The following CYS1 variants were observed in gnomAD, a reference collection of about 807,000 sequenced individuals.
The protein encoded by CYS1 is cystin-1.
In CYS1, 5 loss-of-function variants were observed where a neutral mutation model predicts 9.6. The ratio of observed to expected loss-of-function variants is 0.52; its 90% CI spans 0.27 to 1.10. The LOEUF (loss-of-function observed/expected upper bound fraction) is 1.10, where lower values mean the gene tolerates loss of function less well. Ranked by LOEUF, CYS1 falls within the 50% of genes least tolerant of loss-of-function variation. CYS1 has a pLI of 0.11. For missense variants in CYS1, 221 were observed against 207.9 expected (o/e 1.06, Z -0.39); for synonymous variants, 88 against 95.7 (o/e 0.92, Z 0.47).
At position 10,065,935 on chromosome 2, in the gene CYS1, C is replaced by CT. The variant is rs1558358141; in HGVS notation, c.339dup (p.Glu114ArgfsTer11). 1 of 1,614,242 alleles carries CT rather than the reference C, an allele frequency of 6.2e-7. No homozygotes were observed. The highest frequency in any genetic ancestry group is 2.2e-5 in the East Asian group (1 of 44,884). On this transcript the variant is annotated frameshift_variant, in exon 2 of 3. Coordinates refer to ENST00000381813, the MANE Select transcript of CYS1 (RefSeq NM_001037160.3). LOFTEE classifies it low-confidence loss of function (END_TRUNC). ...ACATTGCCGCTCCCCGGGTGGCCCT[C>CT]TGTGCTCTGCTCTGCGCACACCTTG...
intron 1 of CYS1, among the ~76,000 whole-genome samples, chr2:10,072,087 CTT>C (rs796306088): frequency 2.0e-5 from 3 of 146,388 alleles, no homozygotes. Context: ...TCAAAGGTTA[CTT>C]TTTTTTTTTT....
intron 2 of CYS1, among the ~76,000 whole-genome samples, chr2:10,062,211 T>C (rs1186129763): frequency 6.6e-6 from 1 of 152,008 alleles, no homozygotes; most frequent in Non-Finnish European, 1.5e-5. Flanking sequence ...CTCCCTATGT[T>C]ACCCAGGCTG....
chr2:10,058,992 G>C, intron 2 of CYS1, 34 bp from the exon 3 acceptor site: 2 of 1,541,988 alleles, frequency 1.3e-6, no homozygotes, highest in Non-Finnish European at 1.8e-6. Flanking sequence ...GCTGTCAGGA[G>C]GCAGGATGGT....
At chr2:10,079,728 G>C (rs979537452) in intron 1 of CYS1, among the ~76,000 whole-genome samples, 178 bp downstream of exon 1, 1 of 151,916 alleles carries the variant, frequency 6.6e-6, no homozygotes, top group Non-Finnish European at 1.5e-5. Context: ...CCGGAGACGG[G>C]GCAGAGAGGG....
chr2:10,079,228 C>T (rs902494844), intron 1 of CYS1, among the ~76,000 whole-genome samples: 7 of 152,096 alleles, frequency 4.6e-5, no homozygotes, highest in Non-Finnish European at 7.4e-5. Context: ...AAGGCATCTT[C>T]CTCGGCTCCC....
At chr2:10,059,063 C>G in intron 2 of CYS1, 105 bp from the exon 3 acceptor site, 1 of 1,067,940 alleles carries the variant, frequency 9.4e-7, no homozygotes, top group Middle Eastern at 2.0e-4. Context: ...TCCTGAAACC[C>G]AAACCGAAGT....
chr2:10,059,042 T>G lies in CYS1; in HGVS notation c.372-84A>C, dbSNP rs557042668. 1,657 of 1,297,164 alleles carry G rather than the reference T, an allele frequency of 1.3e-3. 23 individuals are homozygous for G. In the African/African-American group the frequency reaches 0.022, roughly 17 times the overall value. 80.4% of individuals were successfully genotyped at this position (1,297,164 alleles called of 1,614,324 possible). On this transcript the variant is annotated intron_variant, in intron 2 of 2. Coordinates refer to ENST00000381813, the MANE Select transcript of CYS1 (RefSeq NM_001037160.3). ...TTCCCCTGGCCACCACAATGGCTCC[T>G]AGTGGGCCCATCCTGAAACCCAAAC... is the stretch of plus-strand genomic sequence containing the variant.
chr2:10,057,167 T>C lies in CYS1; in HGVS notation c.*1686A>G, dbSNP rs1661561835. 1 of 152,276 alleles carries C rather than the reference T, an allele frequency of 6.6e-6. No individual in the cohort carries two copies. Among genetic ancestry groups the C allele is most frequent in the Admixed American group, 6.5e-5 (1 of 15,294 alleles). 9.4% of individuals were successfully genotyped at this position (152,276 alleles called of 1,614,324 possible). A position where few individuals can be genotyped will look rare whatever the true frequency, so the allele number is the denominator to read the frequency against. On this transcript the variant is annotated 3_prime_UTR_variant, in exon 3 of 3. Transcript: ENST00000381813. ...GTTTAAATTCAAAGCCTGATCCATC[T>C]GGTGGTAAGAAATGTTAACTTATTT... is the stretch of plus-strand genomic sequence containing the variant.
At chr2:10,066,088 C>G in intron 1 of CYS1, 132 bp from the exon 2 acceptor site, 1 of 995,296 alleles carries the variant, frequency 1.0e-6, no homozygotes, top group Non-Finnish European at 1.5e-6. Flanking sequence ...AGCGGAAAGG[C>G]TCTCGAGCTG....
At chr2:10,071,490 C>T (rs946255823) in intron 1 of CYS1, among the ~76,000 whole-genome samples, 3 of 152,254 alleles carry the variant, frequency 2.0e-5, no homozygotes, top group Admixed American at 6.5e-5. Context: ...AGTGCGTGAA[C>T]GGCCCCCCAG....
At chr2:10,070,154 T>C (rs1231704981) in intron 1 of CYS1, among the ~76,000 whole-genome samples, 1 of 151,946 alleles carries the variant, frequency 6.6e-6, no homozygotes, top group East Asian at 1.9e-4. Context: ...AGGGCAAGGG[T>C]AAGAAGGGAT....
chr2:10,062,013 CT>C (rs747987769), intron 2 of CYS1, among the ~76,000 whole-genome samples: 415 of 142,826 alleles, frequency 2.9e-3, no homozygotes, highest in Non-Finnish European at 3.0e-3. Flanking sequence ...TAAAGTCATG[CT>C]TTTTTTTTTT....
chr2:10,061,857 C>T (rs765738185), intron 2 of CYS1, among the ~76,000 whole-genome samples: 13 of 152,180 alleles, frequency 8.5e-5, no homozygotes, highest in Non-Finnish European at 1.5e-4. Flanking sequence ...CTTTCTTTCC[C>T]CTGCTTGGGT....
At chr2:10,077,799 T>C (rs1661875704) in intron 1 of CYS1, among the ~76,000 whole-genome samples, 1 of 152,066 alleles carries the variant, frequency 6.6e-6, no homozygotes, top group African/African-American at 2.4e-5. Context: ...ATTCAAGAAA[T>C]ATTTATGGTG....
chr2:10,079,863 G>A, intron 1 of CYS1, 43 bp downstream of exon 1: 9 of 1,071,790 alleles, frequency 8.4e-6, no homozygotes, highest in Non-Finnish European at 1.0e-5. Context: ...CCGGTGAGTG[G>A]GGTCCCCGCC....
In CYS1 at chr2:10,079,941, C is replaced by A. The variant is rs1398189555; in HGVS notation, c.283G>T (p.Ala95Ser). ...GCGACCGCGGTGGGTCGGAGCCGGG[C>A]TGGGCGGCGCGGGGCGGGCTCCGGG... ...GPPEPAPRRP[A>S]RLRPTAVAGS... Residue 95 changes from alanine to serine, a missense_variant, in exon 1 of 3, where the codon GCC becomes TCC. Ala to Ser is a moderately conservative substitution (Grantham distance 99, BLOSUM62 1). Coordinates refer to ENST00000381813, the MANE Select transcript of CYS1 (RefSeq NM_001037160.3). The A allele has an allele frequency of 4.4e-5, 49 of 1,120,826 alleles. No homozygotes were observed. The highest frequency in any genetic ancestry group is 5.2e-5 in the Non-Finnish European group (48 of 916,760). 69.4% of individuals were successfully genotyped at this position (1,120,826 alleles called of 1,614,324 possible).
chr2:10,065,616 G>A (rs1441373611), intron 2 of CYS1, among the ~76,000 whole-genome samples: 1 of 152,350 alleles, frequency 6.6e-6, no homozygotes, highest in East Asian at 1.9e-4. Flanking sequence ...GAATATTTTT[G>A]AATGAGTTAC....
intron 1 of CYS1, among the ~76,000 whole-genome samples, chr2:10,066,565 C>G (rs949509194): frequency 6.6e-6 from 1 of 152,244 alleles, no homozygotes; most frequent in Non-Finnish European, 1.5e-5. Flanking sequence ...CTTGTCTACC[C>G]GTGCAGTGCC....
At chr2:10,066,539 A>G (rs1445814828) in intron 1 of CYS1, among the ~76,000 whole-genome samples, 3 of 152,226 alleles carry the variant, frequency 2.0e-5, no homozygotes, top group Admixed American at 2.0e-4. Context: ...CGTGGATTCT[A>G]TGGTCCGACA....
Sources: gnomAD v4.1 joint callset for allele counts (sites outside exome capture counted in the v4.1 genomes callset) on GRCh38, gnomAD v4.1.1 for gene constraint, MANE v1.5 for transcripts, NCBI Gene and HGNC (gene_info 2026-07-23, HGNC 2026-07-21) for gene names.